The following RBM20 variants were observed in gnomAD, a reference collection of about 807,000 sequenced individuals.
RBM20 encodes RNA binding motif protein 20.
Under a neutral mutation model 110.1 loss-of-function variants are expected in RBM20, and 51 were observed. The ratio of observed to expected loss-of-function variants is 0.46; its 90% CI spans 0.37 to 0.59. The LOEUF (loss-of-function observed/expected upper bound fraction) is 0.59, where lower values mean the gene tolerates loss of function less well. RBM20 is among the 20% of genes least tolerant of loss of function. The pLI is 0.00. For synonymous variants in RBM20, 589 were observed against 618.2 expected, an observed-to-expected ratio of 0.95 and a Z score of 0.70; for missense variants, 1,512 against 1,574.9, an observed-to-expected ratio of 0.96 and a Z score of 0.68.
upstream of RBM20, among the ~76,000 whole-genome samples, chr10:110,643,870 G>C (rs1166652205): frequency 6.6e-6 from 1 of 152,224 alleles, no homozygotes; most frequent in Non-Finnish European, 1.5e-5. Context: ...GCAGATGCCA[G>C]GCCCGGCACA....
chr10:110,820,186 G>T lies in RBM20; in HGVS notation c.2655+10G>T. The T allele has an allele frequency of 6.5e-7, 1 of 1,539,464 alleles. No individual in the cohort carries two copies. The highest frequency in any genetic ancestry group is 8.8e-7 in the Non-Finnish European group (1 of 1,136,038). ...CACAAGGACAAAGAAGGTAAAGTTT[G>T]TTTCAGATTCTGCACTTCTGCCATG... On this transcript the variant is annotated intron_variant, in intron 10 of 13. Coordinates refer to ENST00000369519, the MANE Select transcript of RBM20 (RefSeq NM_001134363.3).
At chr10:110,795,672 T>A (rs184751287) in intron 5 of RBM20, among the ~76,000 whole-genome samples, 1 of 152,244 alleles carries the variant, frequency 6.6e-6, no homozygotes, top group Admixed American at 6.5e-5. Flanking sequence ...CATAGAAAAT[T>A]GTGATTATGC....
chr10:110,656,808 C>T (rs1862032065), intron 1 of RBM20, among the ~76,000 whole-genome samples: 1 of 152,200 alleles, frequency 6.6e-6, no homozygotes, highest in African/African-American at 2.4e-5. Context: ...GCACTTCATG[C>T]CTTTTCACTG....
intron 1 of RBM20, among the ~76,000 whole-genome samples, chr10:110,679,985 C>A (rs2134856901): frequency 6.6e-6 from 1 of 152,344 alleles, no homozygotes; most frequent in East Asian, 1.9e-4. Context: ...CCCTTTTAAC[C>A]TGCTCTTCTC....
chr10:110,644,366 A>G lies in RBM20; in HGVS notation c.-89A>G, dbSNP rs1416241631. 9.1e-6 allele frequency: 10 copies of G among 1,095,974 alleles called. No individual in the cohort carries two copies. Among genetic ancestry groups the G allele is most frequent in the Non-Finnish European group, 1.2e-5 (10 of 827,680 alleles). 67.9% of individuals were successfully genotyped at this position (1,095,974 alleles called of 1,614,324 possible). On this transcript the variant is annotated 5_prime_UTR_variant, in exon 1 of 14. Transcript: ENST00000369519. The surrounding 1 kb of genome is among the most constrained non-coding windows in gnomAD (Gnocchi z 4.3). ...ACCGGGAAGGACAAGGGGACTGGGC[A>G]CGGGGACCCCGGCCAGTGAGCGCCC...
chr10:110,758,209 G>T (rs1843947114), intron 1 of RBM20, among the ~76,000 whole-genome samples: 1 of 151,510 alleles, frequency 6.6e-6, no homozygotes, highest in Admixed American at 6.6e-5. Context: ...TGTAGAGATG[G>T]GTTATACCAT....
intron 2 of RBM20, among the ~76,000 whole-genome samples, chr10:110,782,724 A>G (rs371968368): frequency 1.3e-5 from 2 of 152,232 alleles, no homozygotes; most frequent in East Asian, 3.9e-4. Context: ...AGCCTGCACC[A>G]TTTAAACACT....
intron 1 of RBM20, among the ~76,000 whole-genome samples, chr10:110,680,561 C>T (rs150679353): frequency 7.4e-4 from 113 of 152,242 alleles, no homozygotes; most frequent in East Asian, 6.6e-3. Flanking sequence ...TGTTCAGTGG[C>T]GAGCCAGGAT....
intron 1 of RBM20, among the ~76,000 whole-genome samples, chr10:110,707,807 T>C (rs926500216): frequency 3.3e-5 from 5 of 152,078 alleles, no homozygotes; most frequent in Admixed American, 3.3e-4. Context: ...TATAGTAAGA[T>C]AGAATGAATA....
At chr10:110,800,208 A>C (rs1467556321) in intron 7 of RBM20, among the ~76,000 whole-genome samples, 2 of 152,256 alleles carry the variant, frequency 1.3e-5, no homozygotes, top group Non-Finnish European at 2.9e-5. Flanking sequence ...CAGAAGGGAA[A>C]GGTGCTGAGA....
At chr10:110,689,761 T>C (rs1206647058) in intron 1 of RBM20, among the ~76,000 whole-genome samples, 3 of 152,170 alleles carry the variant, frequency 2.0e-5, no homozygotes, top group Non-Finnish European at 4.4e-5. Flanking sequence ...TGGCATAGAG[T>C]ATAAAGCCTT....
At chr10:110,752,102 G>A (rs1022637034) in intron 1 of RBM20, among the ~76,000 whole-genome samples, 2 of 152,140 alleles carry the variant, frequency 1.3e-5, no homozygotes, top group Admixed American at 6.6e-5. Flanking sequence ...TGTACGTTCT[G>A]TGGGTCTGGA....
intron 1 of RBM20, among the ~76,000 whole-genome samples, chr10:110,668,153 C>T (rs184490290): frequency 6.6e-6 from 1 of 152,224 alleles, no homozygotes; most frequent in East Asian, 1.9e-4. Context: ...TGAATGTGAA[C>T]GTGAAGTCTT....
At chr10:110,829,578 A>G (rs1163979671) in intron 12 of RBM20, among the ~76,000 whole-genome samples, 1 of 152,146 alleles carries the variant, frequency 6.6e-6, no homozygotes, top group Non-Finnish European at 1.5e-5. Context: ...TCCCTCCCTC[A>G]GAGCTGCCCT....
At chr10:110,744,870 C>CG (rs1843760244) in intron 1 of RBM20, among the ~76,000 whole-genome samples, 1 of 152,202 alleles carries the variant, frequency 6.6e-6, no homozygotes. Flanking sequence ...TGAAACATAG[C>CG]GGCCACCATG....
At chr10:110,657,583 T>C (rs960782095) in intron 1 of RBM20, among the ~76,000 whole-genome samples, 1 of 152,216 alleles carries the variant, frequency 6.6e-6, no homozygotes, top group African/African-American at 2.4e-5. Flanking sequence ...TTTGCAAATA[T>C]GTTCTCCTAT....
intron 1 of RBM20, among the ~76,000 whole-genome samples, chr10:110,772,534 C>T (rs556343511): frequency 4.6e-5 from 7 of 152,290 alleles, no homozygotes; most frequent in African/African-American, 1.4e-4. Context: ...CAAATACTCA[C>T]CATTGTGTTC....
chr10:110,707,650 G>T (rs1384016629), intron 1 of RBM20, among the ~76,000 whole-genome samples: 1 of 152,172 alleles, frequency 6.6e-6, no homozygotes, highest in Non-Finnish European at 1.5e-5. Context: ...AGTGAAATAA[G>T]GTAGGCACAG....
intron 1 of RBM20, among the ~76,000 whole-genome samples, chr10:110,765,160 A>G (rs1844062996): frequency 2.6e-5 from 4 of 152,176 alleles, no homozygotes; most frequent in Admixed American, 2.6e-4. Context: ...GCTACTGGAA[A>G]ACAGATTGAG....
Sources: gnomAD v4.1 joint callset for allele counts (sites outside exome capture counted in the v4.1 genomes callset) on GRCh38, gnomAD v4.1.1 for gene constraint, Gnocchi (gnomAD v3.1) non-coding constraint, MANE v1.5 for transcripts, NCBI Gene and HGNC (gene_info 2026-07-23, HGNC 2026-07-21) for gene names.